Variants in BRPF1 observed in about 807,000 individuals in gnomAD.
The protein encoded by BRPF1 is bromodomain and PHD finger containing 1.
In BRPF1, 15 loss-of-function variants were observed where a neutral mutation model predicts 115.0. That is an observed-to-expected ratio of 0.13 (90% CI 0.09 to 0.20). The LOEUF is 0.20. Among genes scored for constraint, BRPF1 ranks in the 10% least tolerant of loss-of-function variants. BRPF1 has a pLI of 1.00. For missense variants in BRPF1, 1,118 were observed against 1,638.3 expected (o/e 0.68, Z 5.48); for synonymous variants, 647 against 619.8 (o/e 1.04, Z -0.65).
Position 9,743,822 on chromosome 3 carries a change from A to G in BRPF1, c.2556A>G (p.Thr852=). The G allele has an allele frequency of 6.2e-7, 1 of 1,609,156 alleles. No homozygotes were observed. Among genetic ancestry groups the G allele is most frequent in the Non-Finnish European group, 8.5e-7 (1 of 1,175,994 alleles). Residue 852 remains threonine, a synonymous_variant, in exon 8 of 14, where the codon ACA becomes ACG. Coordinates refer to ENST00000383829, the MANE Select transcript of BRPF1 (RefSeq NM_001003694.2). The surrounding 1 kb of genome is among the most constrained non-coding windows in gnomAD (Gnocchi z 6.1). ...RHGPSSRGSL[T]PHPAACDKDG... is the part of the protein sequence containing the mutation. ...GCCCCTCGAGCCGGGGTAGTCTGACACCCCACCCGGCAGCCTGTGACAAGG... is the reference window on the plus strand; with the variant it reads ...GCCCCTCGAGCCGGGGTAGTCTGACGCCCCACCCGGCAGCCTGTGACAAGG...
In BRPF1 at chr3:9,745,849, G is replaced by C. The variant is rs202039036; in HGVS notation, c.3243G>C (p.Leu1081=). The change falls in exon 12 of 14, where the codon CTG becomes CTC. Residue 1081 remains leucine, a synonymous_variant. Coordinates refer to ENST00000383829, the MANE Select transcript of BRPF1 (RefSeq NM_001003694.2). This position sits in a 1 kb window ranked among gnomAD's most constrained non-coding sequence, Gnocchi z 5.1. ...RKSLGRGAGW[L]SEDEDSPLDA... Reference sequence around the variant, plus strand: ...GTCTGGGCCGGGGAGCTGGCTGGCTGTCAGAGGATGAGGACTCCCCGCTGG... The same window carrying C: ...GTCTGGGCCGGGGAGCTGGCTGGCTCTCAGAGGATGAGGACTCCCCGCTGG... 31 of 1,614,172 alleles carry C rather than the reference G, an allele frequency of 1.9e-5. No homozygotes were observed. The African/African-American group carries it at 2.7e-4, about 14-fold the overall frequency.
At position 9,734,750 on chromosome 3, in the gene BRPF1, C is replaced by T. The variant is rs1295529198; in HGVS notation, c.599+11C>T. The T allele has an allele frequency of 1.2e-6, 2 of 1,612,808 alleles. No individual in the cohort carries two copies. The highest frequency in any genetic ancestry group is 2.2e-5 in the South Asian group (2 of 91,042). On this transcript the variant is annotated intron_variant, in intron 2 of 13. Transcript: ENST00000383829. The surrounding 1 kb of genome is among the most constrained non-coding windows in gnomAD (Gnocchi z 5.7). ...AACTTCCTATTACCGGTAAGGCCAC[C>T]TCTACCTTGCAGCTCTGGAAAACTG... is the stretch of plus-strand genomic sequence containing the variant.
rs1286389257 is a variant in BRPF1 at position 9,745,202 on chromosome 3, G to T, written c.3068+47G>T. Reference sequence around the variant, plus strand: ...GCCAACCTCAGGGGATGCCCTTCCAGGGCTCTTGGGCCTGTGTAGGTTTCC... The same window carrying T: ...GCCAACCTCAGGGGATGCCCTTCCATGGCTCTTGGGCCTGTGTAGGTTTCC... On this transcript the variant is annotated intron_variant, in intron 10 of 13. Coordinates refer to ENST00000383829, the MANE Select transcript of BRPF1 (RefSeq NM_001003694.2). This position sits in a 1 kb window ranked among gnomAD's most constrained non-coding sequence, Gnocchi z 5.1. The T allele has an allele frequency of 1.3e-6, 2 of 1,592,930 alleles. No individual in the cohort carries two copies. Among genetic ancestry groups the T allele is most frequent in the Non-Finnish European group, 1.7e-6 (2 of 1,170,962 alleles).
intron 2 of BRPF1, among the ~76,000 whole-genome samples, chr3:9,737,898 C>A (rs973718551): frequency 6.6e-6 from 1 of 152,084 alleles, no homozygotes; most frequent in Non-Finnish European, 1.5e-5. Flanking sequence ...TCCATATAAC[C>A]CTGACAGTTT....
chr3:9,737,222 G>C (rs1205009103), intron 2 of BRPF1, among the ~76,000 whole-genome samples: 4 of 152,186 alleles, frequency 2.6e-5, no homozygotes, highest in Non-Finnish European at 5.9e-5. Flanking sequence ...GAACAGTGAT[G>C]AGTGCCTGTA....
intron 2 of BRPF1, 114 bp from the exon 3 acceptor site, chr3:9,738,885 C>G (rs755336631): frequency 5.5e-6 from 5 of 915,878 alleles, no homozygotes; most frequent in Non-Finnish European, 8.0e-6. Flanking sequence ...TGAAATGAGA[C>G]AACACATCTG....
rs1214458277 is a variant in BRPF1, at chr3:9,740,954, G to T, written c.1722+13G>T. On this transcript the variant is annotated intron_variant, in intron 4 of 13. Coordinates refer to ENST00000383829, the MANE Select transcript of BRPF1 (RefSeq NM_001003694.2). ...TGACCAAGTTGGGGTACTGTGTCCA[G>T]TTCCCTGTGGGCTCTGGGAACTAGC... The T allele has an allele frequency of 6.2e-7, 1 of 1,606,204 alleles. No homozygotes were observed. The highest frequency in any genetic ancestry group is 1.1e-5 in the South Asian group (1 of 90,858).
chr3:9,739,679 G>C lies in BRPF1; in HGVS notation c.1280G>C (p.Arg427Pro). ...AGLYMKMEPV[R>P]ETGANGTSFS... is the part of the protein sequence containing the mutation. Reference sequence around the variant, plus strand: ...CTTTACATGAAGATGGAGCCTGTGCGGGAGACAGGCGCCAACGGCACCTCT... The same window carrying C: ...CTTTACATGAAGATGGAGCCTGTGCCGGAGACAGGCGCCAACGGCACCTCT... Residue 427 changes from arginine (R) to proline (P), a missense_variant, in exon 3 of 14, where the codon CGG (arginine) becomes CCG (proline). This residue lies in a region of BRPF1 where 87 missense variants were observed against 93.4 expected (regional missense o/e 0.93). Transcript: ENST00000383829. The C allele has an allele frequency of 1.2e-6, 2 of 1,613,236 alleles. No homozygotes were observed. The highest frequency in any genetic ancestry group is 1.7e-6 in the Non-Finnish European group (2 of 1,179,190).
In BRPF1 at chr3:9,743,928, C is replaced by T; in HGVS notation, c.2635+27C>T. ...TCTGAATCCCATGGCAAGGTGGACC[C>T]CAAAGCAAGTCAGACTTTGGCTCTG... is the stretch of plus-strand genomic sequence containing the variant. On this transcript the variant is annotated intron_variant, in intron 8 of 13. Transcript: ENST00000383829. This position sits in a 1 kb window ranked among gnomAD's most constrained non-coding sequence, Gnocchi z 6.1. The T allele has an allele frequency of 6.5e-7, 1 of 1,540,304 alleles. No individual in the cohort carries two copies. The highest frequency in any genetic ancestry group is 1.4e-5 in the African/African-American group (1 of 73,152).
chr3:9,743,097 A>G lies in BRPF1; in HGVS notation c.2155A>G (p.Ile719Val), dbSNP rs2077059083. ...NCLKYNAKDT[I>V]FYRAAVRLRE... Reference sequence around the variant, plus strand: ...CCTCAAGTATAACGCCAAGGACACCATCTTCTACCGGGCAGCAGTGCGGCT... The same window carrying G: ...CCTCAAGTATAACGCCAAGGACACCGTCTTCTACCGGGCAGCAGTGCGGCT... The change falls in exon 7 of 14, where the codon ATC becomes GTC. Residue 719 changes from isoleucine (I) to valine (V), a missense_variant. Ile to Val is a conservative substitution (Grantham distance 29). Transcript: ENST00000383829. This position sits in a 1 kb window ranked among gnomAD's most constrained non-coding sequence, Gnocchi z 6.1. 12 of 1,614,098 alleles carry G rather than the reference A, an allele frequency of 7.4e-6. No individual in the cohort carries two copies. Among genetic ancestry groups the G allele is most frequent in the Non-Finnish European group, 1.0e-5 (12 of 1,180,038 alleles).
rs1401118459 is a variant in BRPF1, at chr3:9,743,758, A to G, written c.2492A>G (p.His831Arg). The change falls in exon 8 of 14, where the codon CAT becomes CGT. Residue 831 changes from histidine (H) to arginine (R), a missense_variant. His to Arg is a conservative substitution (Grantham distance 29, BLOSUM62 0). Coordinates refer to ENST00000383829, the MANE Select transcript of BRPF1 (RefSeq NM_001003694.2). This position sits in a 1 kb window ranked among gnomAD's most constrained non-coding sequence, Gnocchi z 6.1. ...ACGGCACTGCGGCGGAAGCTTGCCC[A>G]TCAGCGAGAGACGGGACGTGATGGC... ...EMTALRRKLA[H>R]QRETGRDGPE... The G allele has an allele frequency of 2.5e-6, 4 of 1,614,080 alleles. No individual in the cohort carries two copies. In the African/African-American group the frequency reaches 4.0e-5, roughly 16 times the overall value.
chr3:9,746,199 C>T (rs1429021380), intron 12 of BRPF1, 101 bp from the exon 13 acceptor site: 1 of 1,387,446 alleles, frequency 7.2e-7, no homozygotes, highest in Non-Finnish European at 9.7e-7. Context: ...AGCATGATAC[C>T]CTCTCTGTCC....
Position 9,743,989 on chromosome 3 carries a change from A to C in BRPF1, c.2635+88A>C. On this transcript the variant is annotated intron_variant, in intron 8 of 13. Transcript: ENST00000383829. The surrounding 1 kb of genome is among the most constrained non-coding windows in gnomAD (Gnocchi z 6.1). ...TCAACCCCTGCCATTCCCCAGGCAG[A>C]GGTCCCTCCTACACAGCTAGCTGTA... 7.0e-7 allele frequency: 1 copy of C among 1,435,752 alleles called. No individual in the cohort carries two copies. The highest frequency in any genetic ancestry group is 9.3e-7 in the Non-Finnish European group (1 of 1,073,002). 88.9% of individuals were successfully genotyped at this position (1,435,752 alleles called of 1,614,324 possible).
At chr3:9,742,343 C>T in intron 6 of BRPF1, 172 bp downstream of exon 6, 1 of 985,418 alleles carries the variant, frequency 1.0e-6, no homozygotes, top group Non-Finnish European at 1.2e-6. Context: ...GTCCCTGTCA[C>T]ACCCCAAGGG....
chr3:9,745,730 C>T lies in BRPF1; in HGVS notation c.3205+21C>T, dbSNP rs760201259. On this transcript the variant is annotated intron_variant, in intron 11 of 13. Coordinates refer to ENST00000383829, the MANE Select transcript of BRPF1 (RefSeq NM_001003694.2). The surrounding 1 kb of genome is among the most constrained non-coding windows in gnomAD (Gnocchi z 5.1). ...CAGCAGTAAGTTCCCTTGCCCAAGG[C>T]CAGGGATGCTGGGGACCCAGTGTCA... is the stretch of plus-strand genomic sequence containing the variant. 6.2e-7 allele frequency: 1 copy of T among 1,612,836 alleles called. No homozygotes were observed. Among genetic ancestry groups the T allele is most frequent in the Admixed American group, 1.7e-5 (1 of 60,002 alleles).
rs983868350 is a variant in BRPF1, at chr3:9,745,430, G to T, written c.3069-143G>T. On this transcript the variant is annotated intron_variant, in intron 10 of 13. Transcript: ENST00000383829. This position sits in a 1 kb window ranked among gnomAD's most constrained non-coding sequence, Gnocchi z 5.1. ...TTAGGTCATCAGCCTAGCCCCTGTG[G>T]GTGTTTGAATTTGAAATTCCTCATA... 5.6e-6 allele frequency: 6 copies of T among 1,075,468 alleles called. No homozygotes were observed. In the African/African-American group the frequency reaches 8.0e-5, roughly 14 times the overall value. 66.6% of individuals were successfully genotyped at this position (1,075,468 alleles called of 1,614,324 possible).
At position 9,743,197 on chromosome 3, in the gene BRPF1, G is replaced by T; in HGVS notation, c.2255G>T (p.Gly752Val). Residue 752 changes from glycine to valine, a missense_variant, in exon 7 of 14, where the codon GGC becomes GTC. Around this residue, in one of 10 missense-constraint regions of BRPF1, gnomAD observed 223 missense variants for 240.7 expected, o/e 0.93. Transcript: ENST00000383829. This position sits in a 1 kb window ranked among gnomAD's most constrained non-coding sequence, Gnocchi z 6.1. ...AEKMGIDFET[G>V]MHIPHSLAGD... The stretch of plus-strand genomic sequence containing the variant: ...AAAATGGGCATTGACTTTGAGACGG[G>T]CATGCATATCCCCCACAGCCTGGCT... 6.2e-7 allele frequency: 1 copy of T among 1,614,228 alleles called. No individual in the cohort carries two copies. The highest frequency in any genetic ancestry group is 2.2e-5 in the East Asian group (1 of 44,884).
Position 9,739,382 on chromosome 3 carries a change from T to C in BRPF1, c.983T>C (p.Val328Ala), listed in dbSNP as rs1184408373. 1 of 1,614,052 alleles carries C rather than the reference T, an allele frequency of 6.2e-7. No individual in the cohort carries two copies. The highest frequency in any genetic ancestry group is 8.5e-7 in the Non-Finnish European group (1 of 1,180,034). ...TGCCTGCAGTCACCCTCTCGTGCTG[T>C]GGATTGTGCCCTGTGCCCCAACAAG... ...RRCLQSPSRA[V>A]DCALCPNKGG... is the part of the protein sequence containing the mutation. Residue 328 changes from valine to alanine, a missense_variant, in exon 3 of 14, where the codon GTG (valine) becomes GCG (alanine). Transcript: ENST00000383829.
intron 8 of BRPF1, 36 bp from the exon 9 acceptor site, chr3:9,744,188 C>T (rs1243402486): frequency 6.6e-7 from 1 of 1,510,420 alleles, no homozygotes; most frequent in Non-Finnish European, 8.8e-7. Flanking sequence ...AAATCAGGCC[C>T]CTCACCAACT....
Sources: allele counts gnomAD v4.1 joint callset (sites outside exome capture counted in the v4.1 genomes callset), GRCh38; gene constraint gnomAD v4.1.1; regional missense constraint gnomAD v4.1.1; non-coding constraint Gnocchi (gnomAD v3.1); transcripts MANE v1.5; gene names NCBI Gene and HGNC (gene_info 2026-07-23, HGNC 2026-07-21).